The following SHPK variants were observed in gnomAD, a reference collection of about 807,000 sequenced individuals.
SHPK encodes the protein carbohydrate kinase-like protein.
Under a neutral mutation model 46.3 loss-of-function variants are expected in SHPK, and 51 were observed. The observed-to-expected ratio is 1.10, with a 90% CI of 0.88 to 1.39. SHPK has a LOEUF of 1.39. SHPK is among the 40% of genes most tolerant of loss of function. The probability of loss-of-function intolerance (pLI) is 0.00; values close to 1 mark genes in which losing one functional copy is unlikely to be tolerated. For missense variants in SHPK, 668 were observed against 641.3 expected, an observed-to-expected ratio of 1.04 and a Z score of -0.45; for synonymous variants, 290 against 273.9, an observed-to-expected ratio of 1.06 and a Z score of -0.58.
At position 3,610,728 on chromosome 17, in the gene SHPK, G is replaced by A. The variant is rs143390868; in HGVS notation, c.1269C>T (p.Gly423=). 3.4e-5 allele frequency: 55 copies of A among 1,613,910 alleles called. No homozygotes were observed. The highest frequency in any genetic ancestry group is 4.2e-5 in the Non-Finnish European group (50 of 1,179,984). Residue 423 remains glycine, a synonymous_variant, in exon 7 of 7, where the codon GGC becomes GGT. Coordinates refer to ENST00000225519, the MANE Select transcript of SHPK (RefSeq NM_013276.4). ...TCCCACTGCCCATCACCCTCTCCAC[G>A]CCCCACTCCTGGAGCTGCTGAATCG... is the stretch of plus-strand genomic sequence containing the variant. The part of the protein sequence containing the change: ...MLPIQQLQEW[G]VERVMGSGSA...
chr17:3,626,599 G>A (rs2075439080), intron 2 of SHPK, among the ~76,000 whole-genome samples: 1 of 151,872 alleles, frequency 6.6e-6, no homozygotes. Context: ...GCGGGTACCT[G>A]TAGTCCCAGC....
Position 3,636,228 on chromosome 17 carries a change from T to A in SHPK, c.-9A>T. 6.3e-7 allele frequency: 1 copy of A among 1,594,034 alleles called. No individual in the cohort carries two copies. On this transcript the variant is annotated 5_prime_UTR_variant, in exon 1 of 7. Transcript: ENST00000225519. ...ATCGGCCGCGCAGCCATTATCTCCC[T>A]GACCCGCGCAGCTCCAGTCTGCAGC... is the stretch of plus-strand genomic sequence containing the variant.
intron 1 of SHPK, among the ~76,000 whole-genome samples, chr17:3,632,165 C>T (rs1238627083): frequency 6.6e-6 from 1 of 151,778 alleles, no homozygotes; most frequent in African/African-American, 2.4e-5. Flanking sequence ...CCATGTTGGC[C>T]AGGATGGTCT....
At chr17:3,616,367 T>C (rs887952228) in intron 5 of SHPK, among the ~76,000 whole-genome samples, 1 of 152,190 alleles carries the variant, frequency 6.6e-6, no homozygotes, top group African/African-American at 2.4e-5. Context: ...TGAGCAGCCC[T>C]GTGGAGAACC....
At chr17:3,634,672 A>C (rs541195837) in intron 1 of SHPK, among the ~76,000 whole-genome samples, 2 of 151,732 alleles carry the variant, frequency 1.3e-5, no homozygotes, top group East Asian at 3.9e-4. Flanking sequence ...TCACCCCACC[A>C]GGGTCAGAGC....
chr17:3,628,272 T>C (rs1017808213), intron 2 of SHPK, among the ~76,000 whole-genome samples: 30 of 152,264 alleles, frequency 2.0e-4, no homozygotes, highest in African/African-American at 7.0e-4. Context: ...TATATGCTGT[T>C]CACAGTACTG....
At chr17:3,614,018 C>G (rs1233680001) in intron 6 of SHPK, among the ~76,000 whole-genome samples, 2 of 152,214 alleles carry the variant, frequency 1.3e-5, no homozygotes, top group Non-Finnish European at 2.9e-5. Context: ...GCGTCCTCAG[C>G]TCCCCCAGTC....
chr17:3,632,663 G>A (rs1225405879), intron 1 of SHPK, among the ~76,000 whole-genome samples: 1 of 152,098 alleles, frequency 6.6e-6, no homozygotes, highest in Non-Finnish European at 1.5e-5. Context: ...CCACTCCTTG[G>A]CTCAGAATAT....
chr17:3,632,197 C>T (rs1487116098), intron 1 of SHPK, among the ~76,000 whole-genome samples: 2 of 152,106 alleles, frequency 1.3e-5, no homozygotes, highest in Admixed American at 6.5e-5. Flanking sequence ...CCTCGTGATT[C>T]GCCCGCCTCG....
chr17:3,614,407 C>G (rs1021104434), intron 6 of SHPK, among the ~76,000 whole-genome samples: 1 of 152,074 alleles, frequency 6.6e-6, no homozygotes, highest in Non-Finnish European at 1.5e-5. Flanking sequence ...TGCCTGTAGT[C>G]CCAGCTACTT....
chr17:3,624,602 G>A (rs188381655), intron 2 of SHPK, among the ~76,000 whole-genome samples: 1 of 152,178 alleles, frequency 6.6e-6, no homozygotes, highest in East Asian at 1.9e-4. Flanking sequence ...TTGATTACCA[G>A]TAAATTTTCT....
rs2075322540 is a variant in SHPK at position 3,609,374 on chromosome 17, G to C, written c.*1186C>G. The C allele has an allele frequency of 6.7e-6, 1 of 150,364 alleles. No individual in the cohort carries two copies. Among genetic ancestry groups the C allele is most frequent in the Non-Finnish European group, 1.5e-5 (1 of 67,694 alleles). 9.3% of individuals were successfully genotyped at this position (150,364 alleles called of 1,614,324 possible). On this transcript the variant is annotated 3_prime_UTR_variant, in exon 7 of 7. Coordinates refer to ENST00000225519, the MANE Select transcript of SHPK (RefSeq NM_013276.4). ...GAATACGACTGCTTCCCAAACTCGTGGTTGCCAGCGTGACTCTGGGCCAGG... is the reference window on the plus strand; with the variant it reads ...GAATACGACTGCTTCCCAAACTCGTCGTTGCCAGCGTGACTCTGGGCCAGG...
In SHPK at chr17:3,626,785, G is replaced by A. The variant is rs1206006295; in HGVS notation, c.311-2554C>T. On this transcript the variant is annotated intron_variant, in intron 2 of 6. Transcript: ENST00000225519. ...GGTGCCTGTAGTAACAGTTACTTGG[G>A]AGGGGAAATTTAGGCAGGAGAATCA... Among the ~76,000 whole-genome samples the A allele has an allele frequency of 2.6e-5, 4 of 151,422 alleles. No homozygotes were observed. The East Asian group carries it at 7.7e-4, about 29-fold the overall frequency.
intron 2 of SHPK, among the ~76,000 whole-genome samples, chr17:3,625,744 G>T (rs536315912): frequency 6.6e-6 from 1 of 152,124 alleles, no homozygotes. Context: ...TTGTTGTGCC[G>T]CAATAGGTCA....
chr17:3,616,335 G>A (rs768308168), intron 5 of SHPK, among the ~76,000 whole-genome samples: 17 of 152,132 alleles, frequency 1.1e-4, no homozygotes, highest in African/African-American at 3.1e-4. Flanking sequence ...ACTTGCTCTC[G>A]GGGAAGGCAG....
intron 5 of SHPK, among the ~76,000 whole-genome samples, 184 bp from the exon 6 acceptor site, chr17:3,615,721 G>C (rs1218330921): frequency 2.0e-5 from 3 of 151,546 alleles, no homozygotes; most frequent in Admixed American, 6.6e-5. Flanking sequence ...TTGGCAGTGA[G>C]AGGGGGTGGC....
At chr17:3,633,987 C>G (rs161357) in intron 1 of SHPK, among the ~76,000 whole-genome samples, 136,537 of 145,984 alleles carry the variant, frequency 0.94, 63,898 homozygotes, top group East Asian at 1. Context: ...TGTGCTCTCT[C>G]AAACATGTGC....
rs948241847 is a variant in SHPK at position 3,608,779 on chromosome 17, T to G, written c.*1781A>C. The G allele has an allele frequency of 2.0e-5, 3 of 152,164 alleles. No homozygotes were observed. The highest frequency in any genetic ancestry group is 2.0e-4 in the Admixed American group (3 of 15,260). 9.4% of individuals were successfully genotyped at this position (152,164 alleles called of 1,614,324 possible). On this transcript the variant is annotated 3_prime_UTR_variant, in exon 7 of 7. Transcript: ENST00000225519. ...GGCTTTTCTGAGGATGATCTACGAATTCTCCCCAGAGCACTTCAACCTCCC... is the reference window on the plus strand; with the variant it reads ...GGCTTTTCTGAGGATGATCTACGAAGTCTCCCCAGAGCACTTCAACCTCCC...
intron 5 of SHPK, among the ~76,000 whole-genome samples, chr17:3,616,660 G>T (rs224498): frequency 0.68 from 103,251 of 152,154 alleles, 35,921 homozygotes; most frequent in East Asian, 1. Context: ...AAGGGCTTTA[G>T]TCTCTGAGGA....
Sources: allele counts gnomAD v4.1 joint callset (sites outside exome capture counted in the v4.1 genomes callset), GRCh38; gene constraint gnomAD v4.1.1; transcripts MANE v1.5; gene names NCBI Gene and HGNC (gene_info 2026-07-23, HGNC 2026-07-21).